RALYL: variants seen among roughly 807,000 people sequenced by gnomAD.
The protein encoded by RALYL is RNA-binding Raly-like protein.
RALYL carries 29 observed loss-of-function variants against 35.1 expected under a neutral mutation model. That is an observed-to-expected ratio of 0.83 (90% CI 0.61 to 1.13). The LOEUF is 1.13. Among genes scored for constraint, RALYL ranks in the 50% most tolerant of loss-of-function variants. The pLI is 0.00. For missense variants in RALYL, 359 were observed against 360.4 expected, an observed-to-expected ratio of 1.00 and a Z score of 0.03; for synonymous variants, 120 against 127.6, an observed-to-expected ratio of 0.94 and a Z score of 0.40.
chr8:84,690,665 C>CA (rs538063908), intron 2 of RALYL, among the ~76,000 whole-genome samples: 1 of 151,648 alleles, frequency 6.6e-6, no homozygotes, highest in Non-Finnish European at 1.5e-5. Flanking sequence ...AATTTAAAAA[C>CA]AAAAAAATTT....
At chr8:84,386,935 A>G (rs1166949458) in intron 1 of RALYL, among the ~76,000 whole-genome samples, 1 of 151,858 alleles carries the variant, frequency 6.6e-6, no homozygotes. Context: ...AGCCAGTGTC[A>G]TCAGAGTTGG....
At chr8:84,569,038 G>T (rs1807230381) in intron 2 of RALYL, among the ~76,000 whole-genome samples, 1 of 149,558 alleles carries the variant, frequency 6.7e-6, no homozygotes, top group Non-Finnish European at 1.5e-5. Context: ...CTGTGCAGAA[G>T]CTCTTTAGTT....
chr8:84,652,918 T>C (rs1315731225), intron 2 of RALYL, among the ~76,000 whole-genome samples: 1 of 152,118 alleles, frequency 6.6e-6, no homozygotes, highest in Non-Finnish European at 1.5e-5. Context: ...ATTCAGACAT[T>C]GCATCAATGT....
At chr8:84,339,731 G>A (rs994006995) in intron 1 of RALYL, among the ~76,000 whole-genome samples, 1 of 151,808 alleles carries the variant, frequency 6.6e-6, no homozygotes, top group Admixed American at 6.6e-5. Flanking sequence ...CATTTCCCCC[G>A]TAAGCATAGG....
At chr8:84,329,383 T>C (rs1198985246) in intron 1 of RALYL, among the ~76,000 whole-genome samples, 1 of 152,212 alleles carries the variant, frequency 6.6e-6, no homozygotes, top group East Asian at 1.9e-4. Context: ...GTCATGTTTA[T>C]TGGCCACTTG....
intron 1 of RALYL, among the ~76,000 whole-genome samples, chr8:84,447,461 G>A (rs1012493005): frequency 3.3e-5 from 5 of 151,986 alleles, no homozygotes; most frequent in Non-Finnish European, 5.9e-5. Flanking sequence ...GGCCCACAGT[G>A]TGTGGCCCAC....
chr8:84,280,306 C>G (rs957165138), intron 1 of RALYL, among the ~76,000 whole-genome samples: 7 of 152,034 alleles, frequency 4.6e-5, no homozygotes, highest in African/African-American at 1.7e-4. Flanking sequence ...GATGAGAACT[C>G]TAGAAGTTTC....
intron 2 of RALYL, among the ~76,000 whole-genome samples, chr8:84,653,617 A>T (rs1201877709): frequency 6.6e-6 from 1 of 151,964 alleles, no homozygotes; most frequent in East Asian, 1.9e-4. Context: ...ATCTCTGATT[A>T]ATTAAATTTA....
intron 1 of RALYL, among the ~76,000 whole-genome samples, chr8:84,321,523 G>C (rs1034764292): frequency 6.6e-6 from 1 of 152,102 alleles, no homozygotes; most frequent in East Asian, 1.9e-4. Context: ...TTGTTGGTGG[G>C]GAGGTCATTG....
In RALYL at chr8:84,900,679, T is replaced by A. The variant is rs1587083536; in HGVS notation, c.858+12903T>A. 3.5e-5 allele frequency among the ~76,000 whole-genome samples: 5 copies of A among 144,544 alleles called. No individual in the cohort carries two copies. In the East Asian group the frequency reaches 1.0e-3, roughly 29 times the overall value. 94.8% of individuals were successfully genotyped at this position (144,544 alleles called of 152,430 possible). A position where few individuals can be genotyped will look rare whatever the true frequency, so the allele number is the denominator to read the frequency against. Reference sequence around the variant, plus strand: ...GGGCAACAAGAGCGAAAGTTTGTCTTAAAAAAAAAAAAATTCTCCCTATCA... The same window carrying A: ...GGGCAACAAGAGCGAAAGTTTGTCTAAAAAAAAAAAAAATTCTCCCTATCA... On this transcript the variant is annotated intron_variant, in intron 8 of 8. Transcript: ENST00000521268.
At chr8:84,778,043 T>C (rs973567506) in intron 3 of RALYL, among the ~76,000 whole-genome samples, 1 of 152,206 alleles carries the variant, frequency 6.6e-6, no homozygotes, top group Non-Finnish European at 1.5e-5. Context: ...GTATCTACTA[T>C]GGTCTAGGGA....
intron 1 of RALYL, among the ~76,000 whole-genome samples, chr8:84,318,448 A>G (rs1844175407): frequency 6.6e-6 from 1 of 152,144 alleles, no homozygotes; most frequent in South Asian, 2.1e-4. Flanking sequence ...TCATCATACC[A>G]CTAGACATTT....
At chr8:84,814,590 T>C (rs980671796) in intron 4 of RALYL, among the ~76,000 whole-genome samples, 3 of 152,172 alleles carry the variant, frequency 2.0e-5, no homozygotes, top group Non-Finnish European at 2.9e-5. Context: ...ATAAAATTGT[T>C]TGGTCACAAC....
At chr8:84,648,355 A>T (rs781287488) in intron 2 of RALYL, among the ~76,000 whole-genome samples, 7 of 152,122 alleles carry the variant, frequency 4.6e-5, no homozygotes, top group Non-Finnish European at 1.0e-4. Flanking sequence ...ATAAACAAAA[A>T]ATGAGGAAGA....
intron 1 of RALYL, among the ~76,000 whole-genome samples, chr8:84,432,834 G>C (rs566111742): frequency 2.6e-5 from 4 of 151,974 alleles, no homozygotes; most frequent in Non-Finnish European, 4.4e-5. Context: ...AGGCAAGAAA[G>C]GTTCCTACCC....
intron 1 of RALYL, among the ~76,000 whole-genome samples, chr8:84,244,153 T>C (rs1259701850): frequency 6.6e-6 from 1 of 152,148 alleles, no homozygotes; most frequent in Non-Finnish European, 1.5e-5. Flanking sequence ...ATGATTGCTA[T>C]TCCCTATAAA....
At chr8:84,314,153 C>A (rs1843321173) in intron 1 of RALYL, among the ~76,000 whole-genome samples, 1 of 152,036 alleles carries the variant, frequency 6.6e-6, no homozygotes, top group African/African-American at 2.4e-5. Context: ...ACTTATCAAA[C>A]AACCAGATCC....
intron 1 of RALYL, among the ~76,000 whole-genome samples, chr8:84,303,549 T>C (rs1841218579): frequency 6.6e-6 from 1 of 152,182 alleles, no homozygotes; most frequent in Non-Finnish European, 1.5e-5. Flanking sequence ...TTTTCTAAGA[T>C]AGCTAATCAG....
chr8:84,193,782 A>T (rs1307612694), intron 1 of RALYL, among the ~76,000 whole-genome samples: 1 of 152,218 alleles, frequency 6.6e-6, no homozygotes, highest in African/African-American at 2.4e-5. Flanking sequence ...AGGAACACTT[A>T]GCCTGTAATC....
Sources: allele counts gnomAD v4.1 joint callset (sites outside exome capture counted in the v4.1 genomes callset), GRCh38; gene constraint gnomAD v4.1.1; transcripts MANE v1.5; gene names NCBI Gene and HGNC (gene_info 2026-07-23, HGNC 2026-07-21).